The following EIF2AK1 variants were observed in gnomAD, a reference collection of about 807,000 sequenced individuals.
EIF2AK1 encodes the protein eukaryotic translation initiation factor 2-alpha kinase 1.
A neutral mutation model predicts 77.9 loss-of-function variants in EIF2AK1; 54 were observed. The ratio of observed to expected loss-of-function variants is 0.69; its 90% CI spans 0.56 to 0.87. The LOEUF (loss-of-function observed/expected upper bound fraction) is 0.87. Ranked by LOEUF, EIF2AK1 falls within the 40% of genes least tolerant of loss-of-function variation. The pLI is 0.00. For missense variants in EIF2AK1, 810 were observed against 768.6 expected, an observed-to-expected ratio of 1.05 and a Z score of -0.64; for synonymous variants, 314 against 290.5, an observed-to-expected ratio of 1.08 and a Z score of -0.82.
At position 6,023,017 on chromosome 7, in the gene EIF2AK1, G is replaced by A. The variant is rs903316183; in HGVS notation, c.*1656C>T. ...CAGCCCTCAGCCCCCAAAACCTTAG[G>A]CAGCAGGGATTGGAGCAGGTGGTCT... On this transcript the variant is annotated 3_prime_UTR_variant, in exon 15 of 15. Transcript: ENST00000199389. 1 of 331,274 alleles carries A rather than the reference G, an allele frequency of 3.0e-6. No individual in the cohort carries two copies. The highest frequency in any genetic ancestry group is 5.5e-6 in the Non-Finnish European group (1 of 182,378). The allele number at this position is 331,274 out of a possible 1,614,324, so 20.5% of individuals were successfully genotyped here.
chr7:6,044,491 G>T, intron 7 of EIF2AK1, 71 bp downstream of exon 7: 2 of 1,276,848 alleles, frequency 1.6e-6, no homozygotes, highest in Non-Finnish European at 2.2e-6. Flanking sequence ...AAAAACAAAG[G>T]CAGGCCAGAT....
At chr7:6,034,520 G>C (rs1788017879) in intron 11 of EIF2AK1, among the ~76,000 whole-genome samples, 1 of 152,040 alleles carries the variant, frequency 6.6e-6, no homozygotes, top group Admixed American at 6.6e-5. Context: ...CACTATGTGA[G>C]GCTTCTGCAC....
rs150082701 is a variant in EIF2AK1, at chr7:6,026,914, C to G, written c.1578G>C (p.Pro526=). 33 of 1,613,900 alleles carry G rather than the reference C, an allele frequency of 2.0e-5. No homozygotes were observed. The African/African-American group carries it at 3.6e-4, about 18-fold the overall frequency. The change falls in exon 14 of 15, where the codon CCG becomes CCC. Residue 526 remains proline (P), a synonymous_variant. Coordinates refer to ENST00000199389, the MANE Select transcript of EIF2AK1 (RefSeq NM_014413.4). ...CTGCTCGCTCCATTTCTGTTCCAAA[C>G]GGCTGAAAGAGCTCTAGCAGGACCA... ...LGVVLLELFQ[P]FGTEMERAEV...
At chr7:6,045,733 T>TATATATATATATATATATATATATATA (rs1788426972) in intron 6 of EIF2AK1, among the ~76,000 whole-genome samples, 2 of 138,034 alleles carry the variant, frequency 1.4e-5, no homozygotes, top group African/African-American at 2.6e-5. Context: ...ATTTTAAAAA[T>TATATATATATATATATATATATATATA]TATATATATA....
chr7:6,048,753 A>C, intron 4 of EIF2AK1, 54 bp downstream of exon 4: 1 of 1,362,098 alleles, frequency 7.3e-7, no homozygotes, highest in Non-Finnish European at 1.0e-6. Flanking sequence ...GTATTTTCTT[A>C]ATTTTGATTT....
chr7:6,035,932 G>T lies in EIF2AK1; in HGVS notation c.1332+1492C>A. The T allele has an allele frequency of 6.5e-7, 1 of 1,547,482 alleles. No individual in the cohort carries two copies. Among genetic ancestry groups the T allele is most frequent in the Non-Finnish European group, 8.7e-7 (1 of 1,144,960 alleles). On this transcript the variant is annotated intron_variant, in intron 11 of 14. Transcript: ENST00000199389. The surrounding 1 kb of genome is among the most constrained non-coding windows in gnomAD (Gnocchi z 5.5). The stretch of plus-strand genomic sequence containing the variant: ...TGCATCCGTCTGCTACTCACTCACG[G>T]AGCCAAAGTCAACGCCCAGGACTAC...
At chr7:6,030,567 C>A (rs922034889) in intron 11 of EIF2AK1, among the ~76,000 whole-genome samples, 1 of 152,132 alleles carries the variant, frequency 6.6e-6, no homozygotes, top group African/African-American at 2.4e-5. Flanking sequence ...GGTGCCATCT[C>A]GGCTCACTGT....
chr7:6,058,293 T>G (rs1472552049), intron 1 of EIF2AK1: 3 of 384,736 alleles, frequency 7.8e-6, no homozygotes, highest in Non-Finnish European at 1.5e-5. Flanking sequence ...GGTGTGCACC[T>G]GTGGTCCCAG....
chr7:6,024,058 C>G lies in EIF2AK1; in HGVS notation c.*615G>C, dbSNP rs1395711010. On this transcript the variant is annotated 3_prime_UTR_variant, in exon 15 of 15. Transcript: ENST00000199389. ...AAAGAGATCTGAGCTGCCTGGAGATCATCTGGGGTGCGGAGTACAAAGCTT... is the reference window on the plus strand; with the variant it reads ...AAAGAGATCTGAGCTGCCTGGAGATGATCTGGGGTGCGGAGTACAAAGCTT... 1.1e-5 allele frequency: 15 copies of G among 1,308,250 alleles called. No homozygotes were observed. In the South Asian group the frequency reaches 1.2e-4, roughly 11 times the overall value. 81.0% of individuals were successfully genotyped at this position (1,308,250 alleles called of 1,614,324 possible).
Position 6,048,837 on chromosome 7 carries a change from C to A in EIF2AK1, c.419G>T (p.Cys140Phe). ...TTTCTGGATACGAGAAATATCCTCA[C>A]AAGGATCCTACAATTAAAAAATTGT... ...SAKERVRQDP[C>F]EDISRIQKIR... Residue 140 changes from cysteine (C) to phenylalanine (F), a missense_variant, in exon 4 of 15, where the codon TGT becomes TTT. This residue lies in a region of EIF2AK1 where 246 missense variants were observed against 199.0 expected (regional missense o/e 1.24). Transcript: ENST00000199389. The A allele has an allele frequency of 6.3e-7, 1 of 1,585,210 alleles. No homozygotes were observed. The highest frequency in any genetic ancestry group is 8.5e-7 in the Non-Finnish European group (1 of 1,171,088).
At chr7:6,058,123 T>G (rs1387480149) in intron 1 of EIF2AK1, 1 of 455,570 alleles carries the variant, frequency 2.2e-6, no homozygotes, top group Admixed American at 2.4e-5. Context: ...TCAAGAAAAC[T>G]TGGGGGCTGA....
Position 6,031,002 on chromosome 7 carries a change from G to A in EIF2AK1, c.1333-1970C>T, listed in dbSNP as rs899112969. On this transcript the variant is annotated intron_variant, in intron 11 of 14. Coordinates refer to ENST00000199389, the MANE Select transcript of EIF2AK1 (RefSeq NM_014413.4). ...AATAAAAACTAAAAAATAACTTAAG[G>A]TTAAAAGTTTTCTTACTTTAAAAGT... is the stretch of plus-strand genomic sequence containing the variant. Among the ~76,000 whole-genome samples, 7 of 152,034 alleles carry A rather than the reference G, an allele frequency of 4.6e-5. No individual in the cohort carries two copies. In the South Asian group the frequency reaches 8.3e-4, roughly 18 times the overall value.
Position 6,036,522 on chromosome 7 carries a change from G to C in EIF2AK1, c.1332+902C>G. 1 of 511,632 alleles carries C rather than the reference G, an allele frequency of 2.0e-6. No homozygotes were observed. The highest frequency in any genetic ancestry group is 3.1e-6 in the Non-Finnish European group (1 of 320,514). The allele number at this position is 511,632 out of a possible 1,614,324, so 31.7% of individuals were successfully genotyped here. A position where few individuals can be genotyped will look rare whatever the true frequency, so the allele number is the denominator to read the frequency against. ...GTACAAACTACTGATTCTTGAACATGTTCCAAAATACAAAGTGATTTGTCT... is the reference window on the plus strand; with the variant it reads ...GTACAAACTACTGATTCTTGAACATCTTCCAAAATACAAAGTGATTTGTCT... On this transcript the variant is annotated intron_variant, in intron 11 of 14. Transcript: ENST00000199389. This position sits in a 1 kb window ranked among gnomAD's most constrained non-coding sequence, Gnocchi z 4.6.
Position 6,054,644 on chromosome 7 carries a change from G to C in EIF2AK1, c.179C>G (p.Pro60Arg). The change falls in exon 2 of 15, where the codon CCT (proline) becomes CGT (arginine). Residue 60 changes from proline to arginine, a missense_variant. Coordinates refer to ENST00000199389, the MANE Select transcript of EIF2AK1 (RefSeq NM_014413.4). ...CAAGAGTTGGTTTGCAACTGCAAAA[G>C]GGAAGGTTGGCTGTTGTAGGGGTTC... ...LKEPLQQPTF[P>R]FAVANQLLLV... The C allele has an allele frequency of 6.2e-7, 1 of 1,614,198 alleles. No homozygotes were observed. The highest frequency in any genetic ancestry group is 1.6e-4 in the Middle Eastern group (1 of 6,062).
intron 1 of EIF2AK1, among the ~76,000 whole-genome samples, chr7:6,056,700 C>T (rs1036697471): frequency 6.9e-6 from 1 of 145,966 alleles, no homozygotes; most frequent in African/African-American, 2.5e-5. Context: ...CAACAGTATT[C>T]TCGGTAACCC....
chr7:6,055,434 T>C (rs1583501634), intron 1 of EIF2AK1, among the ~76,000 whole-genome samples: 1 of 151,276 alleles, frequency 6.6e-6, no homozygotes, highest in East Asian at 2.0e-4. Flanking sequence ...GTGCTACTTA[T>C]CTACATGTAC....
At position 6,044,643 on chromosome 7, in the gene EIF2AK1, C is replaced by A. The variant is rs756978925; in HGVS notation, c.649G>T (p.Val217Leu). The A allele has an allele frequency of 1.4e-5, 23 of 1,613,992 alleles. No homozygotes were observed. In the Admixed American group the frequency reaches 3.8e-4, roughly 27 times the overall value. Residue 217 changes from valine to leucine, a missense_variant, in exon 7 of 15, where the codon GTG becomes TTG. Val to Leu is a conservative substitution (Grantham distance 32). This residue lies in a region of EIF2AK1 where 549 missense variants were observed against 533.7 expected (regional missense o/e 1.03). Coordinates refer to ENST00000199389, the MANE Select transcript of EIF2AK1 (RefSeq NM_014413.4). ...VCMKVLREVKVLAGLQHPNIV... is the reference protein window; with the variant it reads ...VCMKVLREVKLLAGLQHPNIV... ...TTGGGGTGCTGAAGACCTGCCAGCACCTTCACTTCCCGTAGGACCTAGAAA... is the reference window on the plus strand; with the variant it reads ...TTGGGGTGCTGAAGACCTGCCAGCAACTTCACTTCCCGTAGGACCTAGAAA...
chr7:6,027,051 G>A lies in EIF2AK1; in HGVS notation c.1531-90C>T, dbSNP rs1353921527. 2 of 1,068,040 alleles carry A rather than the reference G, an allele frequency of 1.9e-6. No individual in the cohort carries two copies. The highest frequency in any genetic ancestry group is 2.8e-6 in the Non-Finnish European group (2 of 707,988). The allele number at this position is 1,068,040 out of a possible 1,614,324, so 66.2% of individuals were successfully genotyped here. ...CGTGTTCCACCCTCCAAACAGGAGA[G>A]GGTTTCTAAGAATGAGGATATACGG... is the stretch of plus-strand genomic sequence containing the variant. On this transcript the variant is annotated intron_variant, in intron 13 of 14. Transcript: ENST00000199389. The surrounding 1 kb of genome is among the most constrained non-coding windows in gnomAD (Gnocchi z 4.5).
chr7:6,036,351 G>A lies in EIF2AK1; in HGVS notation c.1332+1073C>T, dbSNP rs1477008633. 5 of 1,523,858 alleles carry A rather than the reference G, an allele frequency of 3.3e-6. No homozygotes were observed. The African/African-American group carries it at 4.2e-5, about 13-fold the overall frequency. The allele number at this position is 1,523,858 out of a possible 1,614,324, so 94.4% of individuals were successfully genotyped here. Reference sequence around the variant, plus strand: ...CCTCCCAGTGACAATATGGAATTCTGTCTACTGCTGTTATGACTTGGCATA... The same window carrying A: ...CCTCCCAGTGACAATATGGAATTCTATCTACTGCTGTTATGACTTGGCATA... On this transcript the variant is annotated intron_variant, in intron 11 of 14. Coordinates refer to ENST00000199389, the MANE Select transcript of EIF2AK1 (RefSeq NM_014413.4). The surrounding 1 kb of genome is among the most constrained non-coding windows in gnomAD (Gnocchi z 4.6).
Sources: allele counts gnomAD v4.1 joint callset (sites outside exome capture counted in the v4.1 genomes callset), GRCh38; gene constraint gnomAD v4.1.1; regional missense constraint gnomAD v4.1.1; non-coding constraint Gnocchi (gnomAD v3.1); transcripts MANE v1.5; gene names NCBI Gene and HGNC (gene_info 2026-07-23, HGNC 2026-07-21).